Variants in DGKH observed in about 807,000 individuals in gnomAD.
DGKH encodes diacylglycerol kinase eta.
DGKH carries 90 observed loss-of-function variants against 159.3 expected under a neutral mutation model. The observed-to-expected ratio is 0.57, with a 90% CI of 0.48 to 0.67. The LOEUF (loss-of-function observed/expected upper bound fraction) is 0.67. DGKH is among the 30% of genes least tolerant of loss of function. The pLI is 0.00. For missense variants in DGKH, 1,181 were observed against 1,506.1 expected (o/e 0.78, Z 3.57); for synonymous variants, 536 against 553.8 (o/e 0.97, Z 0.45).
chr13:42,069,119 C>T (rs925957288), intron 1 of DGKH: 43 of 1,388,490 alleles, frequency 3.1e-5, no homozygotes, highest in Non-Finnish European at 4.2e-5. Context: ...GTTCAGAAAT[C>T]CTTCCTCATT....
chr13:42,244,975 G>A (rs1314461337), downstream of DGKH, among the ~76,000 whole-genome samples: 1 of 150,678 alleles, frequency 6.6e-6, no homozygotes, highest in Non-Finnish European at 1.5e-5. Context: ...GGGAAAGTGG[G>A]GCAAGAAGCT....
At chr13:42,256,071 T>A in intron 30 of DGKH, 1 of 1,291,306 alleles carries the variant, frequency 7.7e-7, no homozygotes, top group Non-Finnish European at 1.1e-6. Context: ...GGAGAACTGA[T>A]CTTGCCTGAA....
intron 1 of DGKH, among the ~76,000 whole-genome samples, chr13:42,056,947 G>T (rs1156566421): frequency 6.6e-6 from 1 of 151,986 alleles, no homozygotes; most frequent in Non-Finnish European, 1.5e-5. Flanking sequence ...GTTTCATCAT[G>T]CCGTTTTGCA....
In DGKH at chr13:42,051,131, TTCTA is replaced by T. The variant is rs537823588; in HGVS notation, c.192+2170_192+2173del. ...TTTAAAAAGCACATTATTTGTGATTTTCTATCTGACTTTCTAATAAAAACATTTA... is the reference window on the plus strand; with the variant it reads ...TTTAAAAAGCACATTATTTGTGATTTTCTGACTTTCTAATAAAAACATTTA... On this transcript the variant is annotated intron_variant, in intron 1 of 29. Transcript: ENST00000337343. Among the ~76,000 whole-genome samples the T allele has an allele frequency of 5.1e-4, 77 of 152,364 alleles. 2 individuals carry two copies. In the South Asian group the frequency reaches 0.015, roughly 30 times the overall value.
intron 1 of DGKH, among the ~76,000 whole-genome samples, chr13:42,113,300 A>G (rs915324267): frequency 6.6e-6 from 1 of 152,176 alleles, no homozygotes; most frequent in East Asian, 1.9e-4. Flanking sequence ...TATATGTACA[A>G]TAGTCTTTTA....
chr13:42,127,657 G>A, intron 2 of DGKH, 84 bp downstream of exon 2: 2 of 992,632 alleles, frequency 2.0e-6, no homozygotes, highest in South Asian at 1.4e-5. Flanking sequence ...TTTTGTCTTG[G>A]AAGCGCACTG....
At chr13:42,067,592 G>A (rs906008999) in intron 1 of DGKH, among the ~76,000 whole-genome samples, 4 of 151,970 alleles carry the variant, frequency 2.6e-5, no homozygotes, top group Non-Finnish European at 4.4e-5. Flanking sequence ...GTGTGCTAAC[G>A]CCAACATTTT....
chr13:42,174,266 T>C (rs1956545702), intron 12 of DGKH, 122 bp downstream of exon 12: 5 of 827,402 alleles, frequency 6.0e-6, no homozygotes, highest in South Asian at 1.8e-5. Flanking sequence ...AATTTTATTT[T>C]TGGGGTATGG....
At chr13:42,145,187 G>A (rs1454868984) in intron 3 of DGKH, among the ~76,000 whole-genome samples, 1 of 152,192 alleles carries the variant, frequency 6.6e-6, no homozygotes, top group East Asian at 1.9e-4. Context: ...TCTGGATCCA[G>A]TTTAAGCTTC....
intron 1 of DGKH, among the ~76,000 whole-genome samples, chr13:42,043,415 A>G (rs9532978): frequency 0.49 from 74,374 of 151,098 alleles, 18,615 homozygotes; most frequent in Middle Eastern, 0.57. Context: ...GTGCAGTGGT[A>G]TGATCGTAGC....
intron 1 of DGKH, among the ~76,000 whole-genome samples, chr13:42,103,951 T>A (rs1954700753): frequency 6.6e-6 from 1 of 152,260 alleles, no homozygotes; most frequent in Admixed American, 6.5e-5. Flanking sequence ...GGTAGGAACA[T>A]ATTAATAGTA....
intron 1 of DGKH, among the ~76,000 whole-genome samples, chr13:42,076,170 A>C (rs2137706425): frequency 6.6e-6 from 1 of 152,356 alleles, no homozygotes; most frequent in Middle Eastern, 3.4e-3. Flanking sequence ...GTAGGCACCA[A>C]GACACCAACT....
intron 1 of DGKH, among the ~76,000 whole-genome samples, chr13:42,053,460 A>G (rs1881484954): frequency 6.8e-6 from 1 of 147,126 alleles, no homozygotes; most frequent in African/African-American, 2.5e-5. Flanking sequence ...ATATATAACT[A>G]TATATAACTA....
At chr13:42,250,680 C>T (rs1245592315) in intron 29 of DGKH, among the ~76,000 whole-genome samples, 1 of 152,188 alleles carries the variant, frequency 6.6e-6, no homozygotes, top group Non-Finnish European at 1.5e-5. Context: ...ATCCCTGCGG[C>T]ACTTCAGCAG....
chr13:42,137,088 C>T (rs12585075), intron 3 of DGKH, among the ~76,000 whole-genome samples: 18,199 of 152,076 alleles, frequency 0.12, 1,591 homozygotes, highest in East Asian at 0.42. Context: ...CTGCTTTTCC[C>T]TTAGCTTCCT....
intron 1 of DGKH, chr13:42,070,798 G>A (rs567135544): frequency 2.0e-5 from 30 of 1,486,214 alleles, no homozygotes; most frequent in African/African-American, 1.4e-4. Flanking sequence ...GTTTAGTTCC[G>A]TAAGAGAGCC....
downstream of DGKH, among the ~76,000 whole-genome samples, chr13:42,246,431 A>G (rs149096683): frequency 1.5e-3 from 227 of 152,286 alleles, no homozygotes; most frequent in African/African-American, 5.2e-3. Context: ...TATTAAAAAA[A>G]AGAGAGAGAG....
chr13:42,068,542 CTACT>C (rs1339153070), intron 1 of DGKH, among the ~76,000 whole-genome samples: 2 of 152,142 alleles, frequency 1.3e-5, no homozygotes, highest in African/African-American at 4.8e-5. Context: ...AAACTTGAAA[CTACT>C]CATGAATGAA....
intron 6 of DGKH, 28 bp downstream of exon 6, chr13:42,159,400 T>C: frequency 1.4e-6 from 2 of 1,456,288 alleles, no homozygotes; most frequent in Admixed American, 1.7e-5. Context: ...CTCTGCTCTC[T>C]TCCCACTAAC....
Sources: allele counts gnomAD v4.1 joint callset (sites outside exome capture counted in the v4.1 genomes callset), GRCh38; gene constraint gnomAD v4.1.1; transcripts MANE v1.5; gene names NCBI Gene and HGNC (gene_info 2026-07-23, HGNC 2026-07-21).